CPXM2: variants seen among roughly 807,000 people sequenced by gnomAD.
CPXM2 encodes carboxypeptidase X, M14 family member 2.
Under a neutral mutation model 86.1 loss-of-function variants are expected in CPXM2, and 66 were observed. The observed-to-expected ratio is 0.77, with a 90% CI of 0.63 to 0.94. The LOEUF is 0.94. CPXM2 is among the 40% of genes least tolerant of loss of function. The pLI is 0.00. For synonymous variants in CPXM2, 388 were observed against 400.2 expected (o/e 0.97, Z 0.36); for missense variants, 948 against 1,026.3 (o/e 0.92, Z 1.04).
At chr10:123,763,965 C>T (rs1410988601) in intron 10 of CPXM2, among the ~76,000 whole-genome samples, 1 of 152,138 alleles carries the variant, frequency 6.6e-6, no homozygotes, top group Non-Finnish European at 1.5e-5. Flanking sequence ...TCTACTGTCC[C>T]ATATTCCCTC....
At chr10:123,878,805 C>T (rs564510755) in intron 2 of CPXM2, among the ~76,000 whole-genome samples, 1 of 152,280 alleles carries the variant, frequency 6.6e-6, no homozygotes, top group Non-Finnish European at 1.5e-5. Context: ...GACCAACTCT[C>T]AAGGCCACGT....
chr10:123,778,994 C>A (rs1228410), intron 7 of CPXM2, among the ~76,000 whole-genome samples: 5 of 152,166 alleles, frequency 3.3e-5, no homozygotes, highest in African/African-American at 4.8e-5. Context: ...AAGACAAACC[C>A]GGCTTGTTCA....
chr10:123,810,423 C>T (rs1590025174), intron 4 of CPXM2, among the ~76,000 whole-genome samples: 1 of 151,946 alleles, frequency 6.6e-6, no homozygotes. Context: ...GAACTCAGAA[C>T]ACAAAAGTTA....
intron 2 of CPXM2, among the ~76,000 whole-genome samples, chr10:123,910,240 T>C (rs7077999): frequency 0.11 from 16,190 of 152,162 alleles, 903 homozygotes; most frequent in East Asian, 0.19. Flanking sequence ...GTGCCTTGCT[T>C]TGAATGCCTG....
At chr10:123,845,803 TAA>T (rs1400933194) in intron 3 of CPXM2, among the ~76,000 whole-genome samples, 3 of 152,078 alleles carry the variant, frequency 2.0e-5, no homozygotes, top group Non-Finnish European at 2.9e-5. Context: ...GAAAAGATTC[TAA>T]AAGTTTCCAA....
At chr10:123,815,118 A>C (rs1847786937) in intron 4 of CPXM2, among the ~76,000 whole-genome samples, 1 of 152,206 alleles carries the variant, frequency 6.6e-6, no homozygotes, top group African/African-American at 2.4e-5. Context: ...TATACATAAT[A>C]CCTTTGACCA....
At chr10:123,790,176 G>T (rs973186475) in intron 6 of CPXM2, among the ~76,000 whole-genome samples, 1 of 152,158 alleles carries the variant, frequency 6.6e-6, no homozygotes, top group Admixed American at 6.5e-5. Context: ...CGGAGTGGCG[G>T]GAAAGGTGGT....
At position 123,880,243 on chromosome 10, in the gene CPXM2, C is replaced by T. The variant is rs769837934; in HGVS notation, c.371G>A (p.Ser124Asn). 6.2e-7 allele frequency: 1 copy of T among 1,601,108 alleles called. No homozygotes were observed. Among genetic ancestry groups the T allele is most frequent in the African/African-American group, 1.3e-5 (1 of 74,520 alleles). The change falls in exon 2 of 14, where the codon AGT (serine) becomes AAT (asparagine). Residue 124 changes from serine to asparagine, a missense_variant. Physicochemically the swap from Ser to Asn is conservative, Grantham distance 46 (BLOSUM62 1). Transcript: ENST00000241305. ...GACATCTTCACGGGCCACACGGACA[C>T]TGTGATCATCGTTGGCAGCCTTCTC... ...SSEKAANDDH[S>N]VRVAREDVRE...
chr10:123,842,343 A>G lies in CPXM2; in HGVS notation c.653+6T>C. 1.2e-6 allele frequency: 2 copies of G among 1,614,214 alleles called. No homozygotes were observed. Among genetic ancestry groups the G allele is most frequent in the Non-Finnish European group, 1.7e-6 (2 of 1,180,040 alleles). ...GTCCAGAAAGCATATGTCCAGGTAC[A>G]CTCACAGCCAGAGGGAGTTCCTCCC... On this transcript the variant is annotated splice_donor_region_variant and intron_variant, in intron 4 of 13. Transcript: ENST00000241305.
Position 123,813,906 on chromosome 10 carries a change from G to A in CPXM2, c.654-14707C>T, listed in dbSNP as rs111892389. On this transcript the variant is annotated intron_variant, in intron 4 of 13. Transcript: ENST00000241305. The stretch of plus-strand genomic sequence containing the variant: ...ACCTGATCACCTTTGGAGCAGATGT[G>A]TTGTGCAGCATGACTGTGTACCTTG... Among the ~76,000 whole-genome samples, 639 of 152,302 alleles carry A rather than the reference G, an allele frequency of 4.2e-3. 4 individuals carry two copies. Among genetic ancestry groups the A allele is most frequent in the African/African-American group, 0.014 (601 of 41,554 alleles).
At chr10:123,894,544 C>G (rs1945318658), upstream of CPXM2, among the ~76,000 whole-genome samples, 1 of 152,198 alleles carries the variant, frequency 6.6e-6, no homozygotes, top group Admixed American at 6.5e-5. Flanking sequence ...GCTGCCCGTC[C>G]TGGAAAGGTG....
At chr10:123,794,192 T>A (rs1847271974) in intron 6 of CPXM2, among the ~76,000 whole-genome samples, 2 of 152,154 alleles carry the variant, frequency 1.3e-5, no homozygotes, top group Admixed American at 6.5e-5. Context: ...CATCACTAGG[T>A]TCTGTAAGTC....
At chr10:123,867,797 T>G (rs1443971432) in intron 2 of CPXM2, among the ~76,000 whole-genome samples, 1 of 152,200 alleles carries the variant, frequency 6.6e-6, no homozygotes, top group Non-Finnish European at 1.5e-5. Context: ...CCTCCCAAAG[T>G]GCTGGGATTA....
At chr10:123,849,751 T>C (rs901296685) in intron 3 of CPXM2, among the ~76,000 whole-genome samples, 1 of 152,204 alleles carries the variant, frequency 6.6e-6, no homozygotes, top group Admixed American at 6.5e-5. Flanking sequence ...AATATACCTC[T>C]CTTCTTTAGT....
At chr10:123,913,775 C>T (rs1945510288) in intron 2 of CPXM2, 1 of 280,516 alleles carries the variant, frequency 3.6e-6, no homozygotes, top group Non-Finnish European at 7.1e-6. Flanking sequence ...TGACCAGCAG[C>T]TCCAGGTCCG....
At chr10:123,941,733 C>T (rs545046301), upstream of CPXM2, among the ~76,000 whole-genome samples, 2 of 152,348 alleles carry the variant, frequency 1.3e-5, no homozygotes, top group East Asian at 3.9e-4. Flanking sequence ...GGACTTTCCC[C>T]CTCCTCTGCC....
At chr10:123,854,730 C>T (rs1308539328) in intron 3 of CPXM2, among the ~76,000 whole-genome samples, 2 of 151,616 alleles carry the variant, frequency 1.3e-5, no homozygotes, top group East Asian at 3.9e-4. Context: ...GGGATGGTTC[C>T]CCAGGGCACC....
chr10:123,857,163 T>C (rs1355926345), intron 3 of CPXM2, among the ~76,000 whole-genome samples: 2 of 152,178 alleles, frequency 1.3e-5, no homozygotes, highest in East Asian at 3.9e-4. Context: ...AGTGATAAAA[T>C]GTAAATGTTG....
chr10:123,748,544 C>T (rs928712811), intron 13 of CPXM2, among the ~76,000 whole-genome samples: 1 of 152,134 alleles, frequency 6.6e-6, no homozygotes, highest in African/African-American at 2.4e-5. Flanking sequence ...AATGTGGAGG[C>T]AGTCGTTTGC....
Sources: allele counts gnomAD v4.1 joint callset (sites outside exome capture counted in the v4.1 genomes callset), GRCh38; gene constraint gnomAD v4.1.1; transcripts MANE v1.5; gene names NCBI Gene and HGNC (gene_info 2026-07-23, HGNC 2026-07-21).